The following IQCH variants were observed in gnomAD, a reference collection of about 807,000 sequenced individuals.
The protein encoded by IQCH is IQ motif containing H, also known as IQ domain-containing protein H.
In IQCH, 98 loss-of-function variants were observed where a neutral mutation model predicts 117.0. That is an observed-to-expected ratio of 0.84 (90% CI 0.71 to 0.99). The LOEUF is 0.99. IQCH is among the 50% of genes least tolerant of loss of function. The pLI is 0.00. For synonymous variants in IQCH, 412 were observed against 448.2 expected, an observed-to-expected ratio of 0.92 and a Z score of 1.02; for missense variants, 1,102 against 1,243.8, an observed-to-expected ratio of 0.89 and a Z score of 1.72.
intron 4 of IQCH, among the ~76,000 whole-genome samples, chr15:67,298,770 G>A (rs1445223626): frequency 6.6e-6 from 1 of 152,058 alleles, no homozygotes; most frequent in Non-Finnish European, 1.5e-5. Flanking sequence ...GGAGGCTGAG[G>A]CACAAGAATC....
chr15:67,264,733 G>A (rs756986792), intron 3 of IQCH, among the ~76,000 whole-genome samples: 10 of 152,028 alleles, frequency 6.6e-5, no homozygotes, highest in Non-Finnish European at 1.5e-4. Context: ...GATTATACAA[G>A]GGCATGAATA....
intron 4 of IQCH, among the ~76,000 whole-genome samples, chr15:67,296,520 G>C (rs975730256): frequency 6.6e-6 from 1 of 152,102 alleles, no homozygotes; most frequent in Non-Finnish European, 1.5e-5. Context: ...TCAGTGATTA[G>C]AGGCAGGCCA....
rs371604455 is a variant in IQCH at position 67,427,063 on chromosome 15, C to T, written c.2505+5486C>T. On this transcript the variant is annotated intron_variant, in intron 16 of 20. Coordinates refer to ENST00000335894, the MANE Select transcript of IQCH (RefSeq NM_001031715.3). This position sits in a 1 kb window ranked among gnomAD's most constrained non-coding sequence, Gnocchi z 4.7. ...GCAGGAGTTGGTAAACAATGGCCTA[C>T]AGGCTAAATCTGACCCAGCATTCAT... 9.9e-4 allele frequency among the ~76,000 whole-genome samples: 151 copies of T among 151,814 alleles called. No homozygotes were observed. Among genetic ancestry groups the T allele is most frequent in the African/African-American group, 3.3e-3 (135 of 41,452 alleles).
At chr15:67,394,197 C>T (rs761711750) in intron 12 of IQCH, among the ~76,000 whole-genome samples, 1 of 152,122 alleles carries the variant, frequency 6.6e-6, no homozygotes, top group Non-Finnish European at 1.5e-5. Context: ...CTGATAAAAT[C>T]CCACCCATCC....
chr15:67,500,510 G>C lies in IQCH; in HGVS notation c.2971-123G>C, dbSNP rs1461664738. 4 of 442,120 alleles carry C rather than the reference G, an allele frequency of 9.0e-6. No homozygotes were observed. The East Asian group carries it at 1.0e-4, about 11-fold the overall frequency. The allele number at this position is 442,120 out of a possible 1,614,324, so 27.4% of individuals were successfully genotyped here. ...AGCCATAATCTGTAGACAAATGCCA[G>C]TTGGTAGAATACATTCTGAATAGAA... is the stretch of plus-strand genomic sequence containing the variant. On this transcript the variant is annotated intron_variant, in intron 20 of 20. Coordinates refer to ENST00000335894, the MANE Select transcript of IQCH (RefSeq NM_001031715.3). The surrounding 1 kb of genome is among the most constrained non-coding windows in gnomAD (Gnocchi z 4.4).
rs188254520 is a variant in IQCH, at chr15:67,381,046, C to T, written c.1373-3890C>T. On this transcript the variant is annotated intron_variant, in intron 10 of 20. Coordinates refer to ENST00000335894, the MANE Select transcript of IQCH (RefSeq NM_001031715.3). This position sits in a 1 kb window ranked among gnomAD's most constrained non-coding sequence, Gnocchi z 5.1. ...TGAGTTTTCAAGAACGTGTGATCTG[C>T]TGCAACAACAGGGGCCTGTCACAGA... 6.6e-6 allele frequency among the ~76,000 whole-genome samples: 1 copy of T among 152,316 alleles called. No individual in the cohort carries two copies. Among genetic ancestry groups the T allele is most frequent in the Admixed American group, 6.5e-5 (1 of 15,298 alleles).
At chr15:67,442,107 T>C (rs2082282408) in intron 16 of IQCH, among the ~76,000 whole-genome samples, 1 of 152,094 alleles carries the variant, frequency 6.6e-6, no homozygotes, top group Non-Finnish European at 1.5e-5. Context: ...GATATACAAG[T>C]GGCCAATAAA....
intron 18 of IQCH, among the ~76,000 whole-genome samples, chr15:67,480,757 TTG>T (rs1353438148): frequency 6.6e-6 from 1 of 152,076 alleles, no homozygotes; most frequent in African/African-American, 2.4e-5. Context: ...GGTGAAATAT[TTG>T]GCAAAACTAA....
intron 16 of IQCH, among the ~76,000 whole-genome samples, chr15:67,448,154 A>ACT (rs947762242): frequency 2.7e-5 from 1 of 37,112 alleles, no homozygotes. Context: ...ATCCTAAGTG[A>ACT]CTCTGTGTGT....
chr15:67,355,472 C>T (rs1969853266), intron 6 of IQCH, among the ~76,000 whole-genome samples: 1 of 151,962 alleles, frequency 6.6e-6, no homozygotes. Context: ...CACCTGTAGT[C>T]TCAGCTATTC....
At position 67,405,339 on chromosome 15, in the gene IQCH, G is replaced by A. The variant is rs933274321; in HGVS notation, c.2097+5034G>A. 6.6e-6 allele frequency: 1 copy of A among 152,206 alleles called. No individual in the cohort carries two copies. Among genetic ancestry groups the A allele is most frequent in the African/African-American group, 2.4e-5 (1 of 41,400 alleles). The allele number at this position is 152,206 out of a possible 1,614,324, so 9.4% of individuals were successfully genotyped here. A position where few individuals can be genotyped will look rare whatever the true frequency, so the allele number is the denominator to read the frequency against. On this transcript the variant is annotated intron_variant, in intron 14 of 20. Transcript: ENST00000335894. The surrounding 1 kb of genome is among the most constrained non-coding windows in gnomAD (Gnocchi z 4.8). ...CCAGAACACTGAGATTAAGCATTTT[G>A]TAGATCTATGAATGCACTGTTAAGG...
intron 16 of IQCH, among the ~76,000 whole-genome samples, chr15:67,428,597 T>C (rs925839949): frequency 6.6e-6 from 1 of 152,042 alleles, no homozygotes; most frequent in African/African-American, 2.4e-5. Context: ...ACACCTGTAA[T>C]CCCAACACTT....
In IQCH at chr15:67,501,247, A is replaced by C. The variant is rs867963025; in HGVS notation, c.*501A>C. On this transcript the variant is annotated 3_prime_UTR_variant, in exon 21 of 21. Coordinates refer to ENST00000335894, the MANE Select transcript of IQCH (RefSeq NM_001031715.3). This position sits in a 1 kb window ranked among gnomAD's most constrained non-coding sequence, Gnocchi z 5.2. ...ATTATATTGAAATTATATTTATATGAATTTTTAAGTGACTATCATTCATCG... is the reference window on the plus strand; with the variant it reads ...ATTATATTGAAATTATATTTATATGCATTTTTAAGTGACTATCATTCATCG... 1 of 152,192 alleles carries C rather than the reference A, an allele frequency of 6.6e-6. No homozygotes were observed. Among genetic ancestry groups the C allele is most frequent in the East Asian group, 1.9e-4 (1 of 5,202 alleles). 9.4% of individuals were successfully genotyped at this position (152,192 alleles called of 1,614,324 possible). A position where few individuals can be genotyped will look rare whatever the true frequency, so the allele number is the denominator to read the frequency against.
rs750789718 is a variant in IQCH at position 67,254,904 on chromosome 15, A to G, written c.8A>G (p.Gln3Arg). The G allele has an allele frequency of 5.0e-6, 8 of 1,613,866 alleles. No individual in the cohort carries two copies. Among genetic ancestry groups the G allele is most frequent in the South Asian group, 4.4e-5 (4 of 91,040 alleles). The change falls in exon 1 of 21, where the codon CAG becomes CGG. Residue 3 changes from glutamine (Q) to arginine (R), a missense_variant. By Grantham distance (43) the Gln-to-Arg change is conservative (BLOSUM62 1). This residue lies in a region of IQCH where 452 missense variants were observed against 449.6 expected (regional missense o/e 1.01). Transcript: ENST00000335894. Reference sequence around the variant, plus strand: ...CCGTTCCCTGACCTAGCCATGGCACAGAACACTGAAAACCACGACCCTGTC... The same window carrying G: ...CCGTTCCCTGACCTAGCCATGGCACGGAACACTGAAAACCACGACCCTGTC... MA[Q>R]NTENHDPVGS... is the part of the protein sequence containing the mutation.
At chr15:67,283,576 A>G (rs1202000813) in intron 4 of IQCH, among the ~76,000 whole-genome samples, 3 of 152,054 alleles carry the variant, frequency 2.0e-5, no homozygotes, top group Non-Finnish European at 4.4e-5. Context: ...AAGTGGGACC[A>G]TGTACGTTCT....
In IQCH at chr15:67,466,411, C is replaced by G. The variant is rs996616237; in HGVS notation, c.2676+1114C>G. On this transcript the variant is annotated intron_variant, in intron 17 of 20. Coordinates refer to ENST00000335894, the MANE Select transcript of IQCH (RefSeq NM_001031715.3). This position sits in a 1 kb window ranked among gnomAD's most constrained non-coding sequence, Gnocchi z 4.4. ...TTCATACTTTTTTGCAAATGAAGCT[C>G]TACTTGAAATCCAAATATATCAAAC... 10 of 152,280 alleles carry G rather than the reference C, an allele frequency of 6.6e-5. No homozygotes were observed. The highest frequency in any genetic ancestry group is 2.2e-4 in the African/African-American group (9 of 41,542). The allele number at this position is 152,280 out of a possible 1,614,324, so 9.4% of individuals were successfully genotyped here. A position where few individuals can be genotyped will look rare whatever the true frequency, so the allele number is the denominator to read the frequency against.
At chr15:67,442,852 A>C (rs535463760) in intron 16 of IQCH, among the ~76,000 whole-genome samples, 1 of 144,658 alleles carries the variant, frequency 6.9e-6, no homozygotes, top group Non-Finnish European at 1.5e-5. Context: ...AGATAGATAG[A>C]TAGATAGATA....
chr15:67,256,387 G>C (rs987263572), intron 1 of IQCH, among the ~76,000 whole-genome samples: 11 of 152,250 alleles, frequency 7.2e-5, no homozygotes, highest in African/African-American at 2.4e-4. Flanking sequence ...CTGCCCTTGT[G>C]GTTGACCATT....
chr15:67,418,987 C>T (rs946032552), intron 15 of IQCH, among the ~76,000 whole-genome samples: 1 of 152,008 alleles, frequency 6.6e-6, no homozygotes, highest in Non-Finnish European at 1.5e-5. Context: ...CCTGCAAAAG[C>T]CTCCCTCTAA....
Sources: gnomAD v4.1 joint callset for allele counts (sites outside exome capture counted in the v4.1 genomes callset) on GRCh38, gnomAD v4.1.1 for gene constraint, gnomAD v4.1.1 regional missense constraint, Gnocchi (gnomAD v3.1) non-coding constraint, MANE v1.5 for transcripts, NCBI Gene and HGNC (gene_info 2026-07-23, HGNC 2026-07-21) for gene names.